MAGI1: variants seen among roughly 807,000 people sequenced by gnomAD.
The protein encoded by MAGI1 is membrane-associated guanylate kinase, WW and PDZ domain-containing protein 1.
A neutral mutation model predicts 139.9 loss-of-function variants in MAGI1; 58 were observed. That is an observed-to-expected ratio of 0.41 (90% CI 0.34 to 0.52). The LOEUF (loss-of-function observed/expected upper bound fraction) is 0.52, where lower values mean the gene tolerates loss of function less well. Among genes scored for constraint, MAGI1 ranks in the 20% least tolerant of loss-of-function variants. MAGI1 has a pLI of 0.12. For missense variants in MAGI1, 1,874 were observed against 1,901.6 expected, an observed-to-expected ratio of 0.99 and a Z score of 0.27; for synonymous variants, 812 against 737.9, an observed-to-expected ratio of 1.10 and a Z score of -1.63.
intron 2 of MAGI1, among the ~76,000 whole-genome samples, chr3:65,506,307 T>C (rs1360821091): frequency 1.3e-5 from 2 of 152,164 alleles, no homozygotes; most frequent in South Asian, 4.1e-4. Flanking sequence ...CTGGTCATAA[T>C]ATGCATTAAC....
At position 65,648,316 on chromosome 3, in the gene MAGI1, T is replaced by TGC. The variant is rs1553685618; in HGVS notation, c.314-26230_314-26229dup. On this transcript the variant is annotated intron_variant, in intron 1 of 22. Coordinates refer to ENST00000402939, the MANE Select transcript of MAGI1 (RefSeq NM_001033057.2). ...GTGTGTGTGTGTGTGTGTGTGTGTGTGCGCGTGCGCGTGCACACAGACAGG... is the reference window on the plus strand; with the variant it reads ...GTGTGTGTGTGTGTGTGTGTGTGTGTGCGCGCGTGCGCGTGCACACAGACAGG... Among the ~76,000 whole-genome samples the TGC allele has an allele frequency of 1.3e-3, 185 of 143,154 alleles. 1 individual carries two copies. Among genetic ancestry groups the TGC allele is most frequent in the African/African-American group, 3.5e-3 (137 of 39,178 alleles). The allele number at this position is 143,154 out of a possible 152,430, so 93.9% of individuals were successfully genotyped here.
intron 1 of MAGI1, among the ~76,000 whole-genome samples, chr3:65,916,233 G>GT (rs990353277): frequency 2.0e-5 from 3 of 151,800 alleles, no homozygotes; most frequent in Admixed American, 6.6e-5. Context: ...CACCCAACCA[G>GT]TTTTTTTGTA....
chr3:65,867,635 G>A (rs541312840), intron 1 of MAGI1, among the ~76,000 whole-genome samples: 2 of 152,136 alleles, frequency 1.3e-5, no homozygotes, highest in Non-Finnish European at 2.9e-5. Context: ...CTGTGGGGGC[G>A]AGAGGAGGTG....
At chr3:65,412,687 CT>C (rs1285766527) in intron 12 of MAGI1, among the ~76,000 whole-genome samples, 1 of 152,152 alleles carries the variant, frequency 6.6e-6, no homozygotes, top group African/African-American at 2.4e-5. Context: ...CTTGGCCTTT[CT>C]TTTTATAGCC....
intron 1 of MAGI1, among the ~76,000 whole-genome samples, chr3:65,722,781 C>A (rs933956284): frequency 2.0e-5 from 3 of 150,026 alleles, no homozygotes; most frequent in Admixed American, 6.6e-5. Flanking sequence ...AGAAGTTTCA[C>A]ATGAGCAAAT....
intron 1 of MAGI1, among the ~76,000 whole-genome samples, chr3:65,796,850 G>C (rs7611950): frequency 0.042 from 6,375 of 152,274 alleles, 429 homozygotes; most frequent in African/African-American, 0.15. Context: ...GGGAATGGCT[G>C]TGACCACTAA....
At chr3:65,551,056 G>T (rs566817576) in intron 2 of MAGI1, among the ~76,000 whole-genome samples, 16 of 152,262 alleles carry the variant, frequency 1.1e-4, no homozygotes, top group African/African-American at 3.9e-4. Flanking sequence ...TCCAGGGAGA[G>T]ACCTGTAATC....
intron 1 of MAGI1, among the ~76,000 whole-genome samples, chr3:65,653,854 A>G (rs2085719651): frequency 6.6e-6 from 1 of 152,174 alleles, no homozygotes; most frequent in South Asian, 2.1e-4. Flanking sequence ...TGCACTTACC[A>G]TGTGACTCCA....
intron 1 of MAGI1, among the ~76,000 whole-genome samples, chr3:65,685,831 G>C (rs141355809): frequency 1.9e-3 from 293 of 152,286 alleles, no homozygotes; most frequent in African/African-American, 6.8e-3. Context: ...ACTACTGAGA[G>C]AGACAGAAAT....
At chr3:65,794,258 G>A (rs2039975867) in intron 1 of MAGI1, among the ~76,000 whole-genome samples, 1 of 152,120 alleles carries the variant, frequency 6.6e-6, no homozygotes. Context: ...CCACAGGCAG[G>A]GAGGAAACAT....
chr3:65,706,211 A>C (rs1032513824), intron 1 of MAGI1, among the ~76,000 whole-genome samples: 4 of 152,254 alleles, frequency 2.6e-5, no homozygotes, highest in African/African-American at 9.6e-5. Flanking sequence ...ATGGGATTTA[A>C]AACAAAATAA....
intron 1 of MAGI1, among the ~76,000 whole-genome samples, chr3:65,656,213 G>A (rs1418202677): frequency 6.6e-6 from 1 of 151,954 alleles, no homozygotes; most frequent in Non-Finnish European, 1.5e-5. Flanking sequence ...ACCATATATT[G>A]AGAAAATTTT....
At chr3:66,014,856 T>C (rs1015746439) in intron 1 of MAGI1, among the ~76,000 whole-genome samples, 3 of 152,208 alleles carry the variant, frequency 2.0e-5, no homozygotes, top group Non-Finnish European at 1.5e-5. Context: ...CTCCAGGCCT[T>C]TGCTCCCACT....
intron 1 of MAGI1, among the ~76,000 whole-genome samples, chr3:65,921,499 G>A (rs1055444920): frequency 1.3e-5 from 2 of 151,820 alleles, no homozygotes; most frequent in Non-Finnish European, 2.9e-5. Flanking sequence ...TGGTAGAGAC[G>A]GGGTTTCACC....
At chr3:65,862,297 C>T (rs1312555989) in intron 1 of MAGI1, among the ~76,000 whole-genome samples, 1 of 152,114 alleles carries the variant, frequency 6.6e-6, no homozygotes, top group African/African-American at 2.4e-5. Context: ...AGTACCTATT[C>T]TCATATGGTT....
At chr3:65,717,277 TC>T (rs1435789097) in intron 1 of MAGI1, among the ~76,000 whole-genome samples, 1 of 152,162 alleles carries the variant, frequency 6.6e-6, no homozygotes, top group African/African-American at 2.4e-5. Context: ...AACAGTTTTG[TC>T]CCTTAGGAAA....
At chr3:65,500,457 T>G (rs902293605) in intron 2 of MAGI1, among the ~76,000 whole-genome samples, 13 of 152,200 alleles carry the variant, frequency 8.5e-5, no homozygotes, top group African/African-American at 2.9e-4. Flanking sequence ...AAACTTGCAG[T>G]GTATCTGGCT....
intron 2 of MAGI1, among the ~76,000 whole-genome samples, chr3:65,509,860 C>A (rs1225757623): frequency 6.6e-6 from 1 of 152,126 alleles, no homozygotes; most frequent in African/African-American, 2.4e-5. Context: ...AGGGCACAGA[C>A]AAACAAAAAG....
intron 12 of MAGI1, among the ~76,000 whole-genome samples, chr3:65,411,636 A>T (rs1945799923): frequency 6.6e-6 from 1 of 152,184 alleles, no homozygotes; most frequent in Non-Finnish European, 1.5e-5. Context: ...CTATCACTGT[A>T]ATTGGTGCTG....
Sources: allele counts gnomAD v4.1 joint callset (sites outside exome capture counted in the v4.1 genomes callset), GRCh38; gene constraint gnomAD v4.1.1; transcripts MANE v1.5; gene names NCBI Gene and HGNC (gene_info 2026-07-23, HGNC 2026-07-21).